Variants in PLA2G4D observed in about 807,000 individuals in gnomAD.
PLA2G4D encodes the protein phospholipase A2 group IVD.
In PLA2G4D, 80 loss-of-function variants were observed where a neutral mutation model predicts 94.4. The observed-to-expected ratio is 0.85, with a 90% CI of 0.71 to 1.02. PLA2G4D has a LOEUF of 1.02. Ranked by LOEUF, PLA2G4D falls within the 50% of genes least tolerant of loss-of-function variation. The pLI is 0.00. For missense variants in PLA2G4D, 1,050 were observed against 1,034.7 expected, an observed-to-expected ratio of 1.01 and a Z score of -0.20; for synonymous variants, 438 against 440.9, an observed-to-expected ratio of 0.99 and a Z score of 0.08.
intron 1 of PLA2G4D, among the ~76,000 whole-genome samples, chr15:42,090,612 A>G (rs1166125975): frequency 6.6e-6 from 1 of 152,134 alleles, no homozygotes; most frequent in Non-Finnish European, 1.5e-5. Flanking sequence ...GAGGAGTGGA[A>G]CACCTGGGCA....
chr15:42,082,403 ATCATTCATTCAT>A lies in PLA2G4D; in HGVS notation c.673-26_673-15del, dbSNP rs58062429. The stretch of plus-strand genomic sequence containing the variant: ...GCTTCTGGAGCTCTGAAGGGAAAGC[ATCATTCATTCAT>A]TCATTCATTCATTCAACAAATCCCT... On this transcript the variant is annotated splice_polypyrimidine_tract_variant and intron_variant, in intron 8 of 19. Transcript: ENST00000290472. 1.5e-5 allele frequency: 23 copies of A among 1,568,662 alleles called. No homozygotes were observed. In the South Asian group the frequency reaches 1.8e-4, roughly 12 times the overall value.
In PLA2G4D at chr15:42,079,545, G is replaced by T; in HGVS notation, c.1309C>A (p.His437Asn). The T allele has an allele frequency of 6.2e-7, 1 of 1,602,784 alleles. No individual in the cohort carries two copies. The highest frequency in any genetic ancestry group is 8.5e-7 in the Non-Finnish European group (1 of 1,177,438). ...LWALVLESMLHGQVMDQKLSG... is the reference protein window; with the variant it reads ...LWALVLESMLNGQVMDQKLSG... ...GTGCGCAGGCGCCCTACCTGGCCGT[G>T]CAGCATGGACTCCAGCACTAGCGCC... Residue 437 changes from histidine (H) to asparagine (N), a missense_variant, in exon 13 of 20, where the codon CAC becomes AAC. Transcript: ENST00000290472.
At chr15:42,093,545 A>G (rs776770988) in intron 1 of PLA2G4D, among the ~76,000 whole-genome samples, 1 of 151,766 alleles carries the variant, frequency 6.6e-6, no homozygotes, top group Non-Finnish European at 1.5e-5. Context: ...CTGATGTCTG[A>G]CTCGTGGGTG....
In PLA2G4D at chr15:42,072,470, G is replaced by T. The variant is rs78905637; in HGVS notation, c.1318-78C>A. On this transcript the variant is annotated intron_variant, in intron 13 of 19. Coordinates refer to ENST00000290472, the MANE Select transcript of PLA2G4D (RefSeq NM_178034.4). ...AGTGGCTCCGCCAGGACAGGGGCAG[G>T]ATGGGGGACCTGGCTGGGGGTGAGG... 5,481 of 1,174,178 alleles carry T rather than the reference G, an allele frequency of 4.7e-3. 164 individuals are homozygous for T. The African/African-American group carries it at 0.066, about 14-fold the overall frequency. The allele number at this position is 1,174,178 out of a possible 1,614,324, so 72.7% of individuals were successfully genotyped here.
intron 15 of PLA2G4D, 76 bp from the exon 16 acceptor site, chr15:42,071,627 G>T: frequency 6.6e-7 from 1 of 1,504,916 alleles, no homozygotes; most frequent in Non-Finnish European, 9.1e-7. Flanking sequence ...GAAAATGGGA[G>T]TGGGGCGAGG....
At chr15:42,087,846 G>A (rs1890181782) in intron 1 of PLA2G4D, 146 bp from the exon 2 acceptor site, 2 of 771,398 alleles carry the variant, frequency 2.6e-6, no homozygotes, top group South Asian at 1.8e-5. Flanking sequence ...GACACCCTCT[G>A]GGGACCAAAG....
At chr15:42,069,317 G>T (rs916498543) in intron 19 of PLA2G4D, among the ~76,000 whole-genome samples, 9 of 152,120 alleles carry the variant, frequency 5.9e-5, no homozygotes, top group Non-Finnish European at 1.3e-4. Flanking sequence ...GCTGAGAGAT[G>T]AAGGTTCTTT....
Position 42,068,326 on chromosome 15 carries a change from T to G in PLA2G4D, c.*389A>C. The G allele has an allele frequency of 4.7e-6, 1 of 212,482 alleles. No individual in the cohort carries two copies. The allele number at this position is 212,482 out of a possible 1,614,324, so 13.2% of individuals were successfully genotyped here. A position where few individuals can be genotyped will look rare whatever the true frequency, so the allele number is the denominator to read the frequency against. On this transcript the variant is annotated 3_prime_UTR_variant, in exon 20 of 20. Coordinates refer to ENST00000290472, the MANE Select transcript of PLA2G4D (RefSeq NM_178034.4). The stretch of plus-strand genomic sequence containing the variant: ...AGATGAGGAGGCAATGTGTTCAGGA[T>G]GTCTTGTGATTCCCGAGGCCTGAAG...
intron 8 of PLA2G4D, among the ~76,000 whole-genome samples, chr15:42,082,947 A>T (rs1595596031): frequency 1.3e-5 from 2 of 152,208 alleles, no homozygotes; most frequent in African/African-American, 4.8e-5. Flanking sequence ...CACAGATGTC[A>T]TGTCTTATTC....
At chr15:42,089,208 C>T (rs753755112) in intron 1 of PLA2G4D, among the ~76,000 whole-genome samples, 3 of 152,074 alleles carry the variant, frequency 2.0e-5, no homozygotes, top group Non-Finnish European at 2.9e-5. Context: ...TGCGCTCTCC[C>T]GTGACCAGAC....
intron 1 of PLA2G4D, among the ~76,000 whole-genome samples, chr15:42,088,767 A>AG (rs528073043): frequency 6.4e-4 from 97 of 152,256 alleles, no homozygotes; most frequent in Admixed American, 2.3e-3. Context: ...GCCCATGTCC[A>AG]GAGGGTCTGT....
chr15:42,070,369 G>C, intron 18 of PLA2G4D: 1 of 522,674 alleles, frequency 1.9e-6, no homozygotes. Flanking sequence ...TTGCTGGACT[G>C]TTCAAATCCC....
chr15:42,086,328 C>G lies in PLA2G4D; in HGVS notation c.272G>C (p.Ser91Thr). The change falls in exon 4 of 20, where the codon AGC (serine) becomes ACC (threonine). Residue 91 changes from serine to threonine, a missense_variant. Ser to Thr is a moderately conservative substitution (Grantham distance 58). Coordinates refer to ENST00000290472, the MANE Select transcript of PLA2G4D (RefSeq NM_178034.4). ...CGTGACTGAGTCCTCATCATAGATG[C>G]TAAGCTCCAGAACATTCTAGGAACC... ...QSQVKNVLELSIYDEDSVTED... is the reference protein window; with the variant it reads ...QSQVKNVLELTIYDEDSVTED... The G allele has an allele frequency of 6.2e-7, 1 of 1,613,768 alleles. No homozygotes were observed. The highest frequency in any genetic ancestry group is 1.3e-5 in the African/African-American group (1 of 75,004).
At position 42,084,162 on chromosome 15, in the gene PLA2G4D, G is replaced by A. The variant is rs755378778; in HGVS notation, c.472-383C>T. On this transcript the variant is annotated intron_variant, in intron 6 of 19. Coordinates refer to ENST00000290472, the MANE Select transcript of PLA2G4D (RefSeq NM_178034.4). The surrounding 1 kb of genome is among the most constrained non-coding windows in gnomAD (Gnocchi z 4.8). Reference sequence around the variant, plus strand: ...TAAGCAAGCCGCCCATCCATAGGAGGGTAGACGGGGCGTCGGACAAACCCT... The same window carrying A: ...TAAGCAAGCCGCCCATCCATAGGAGAGTAGACGGGGCGTCGGACAAACCCT... The A allele has an allele frequency of 9.5e-6, 2 of 210,002 alleles. No individual in the cohort carries two copies. The highest frequency in any genetic ancestry group is 4.6e-5 in the African/African-American group (2 of 43,498). The allele number at this position is 210,002 out of a possible 1,614,324, so 13.0% of individuals were successfully genotyped here.
At chr15:42,091,407 A>G (rs1220681511) in intron 1 of PLA2G4D, among the ~76,000 whole-genome samples, 2 of 152,260 alleles carry the variant, frequency 1.3e-5, no homozygotes, top group African/African-American at 4.8e-5. Flanking sequence ...AGAAGTGACC[A>G]GAAGACAAGA....
chr15:42,082,171 A>T (rs948713694), intron 9 of PLA2G4D, 108 bp downstream of exon 9: 1 of 930,276 alleles, frequency 1.1e-6, no homozygotes, highest in Non-Finnish European at 1.7e-6. Flanking sequence ...ACTTCAGGTG[A>T]TCCGCCTGCC....
At chr15:42,071,585 C>G in intron 15 of PLA2G4D, 34 bp from the exon 16 acceptor site, 1 of 1,579,758 alleles carries the variant, frequency 6.3e-7, no homozygotes, top group Non-Finnish European at 8.7e-7. Context: ...GCCTCAGGCC[C>G]CAGCCAGCGG....
rs930427250 is a variant in PLA2G4D at position 42,081,561 on chromosome 15, G to T, written c.875C>A (p.Ala292Asp). The T allele has an allele frequency of 3.7e-6, 6 of 1,614,048 alleles. No individual in the cohort carries two copies. Among genetic ancestry groups the T allele is most frequent in the Non-Finnish European group, 5.1e-6 (6 of 1,180,026 alleles). Residue 292 changes from alanine to aspartate, a missense_variant, in exon 11 of 20, where the codon GCC becomes GAC. Transcript: ENST00000290472. ...LGFNLCAEEQ[A>D]FLSRRKQVVA... ...CACCTGCTTCCTCCTGCTCAGGAAG[G>T]CCTGCTCCTCTGCACAGAGATTGAA...
rs375309510 is a variant in PLA2G4D, at chr15:42,071,819, G to A, written c.1528C>T (p.Arg510Trp). 16 of 1,614,046 alleles carry A rather than the reference G, an allele frequency of 9.9e-6. No homozygotes were observed. Among genetic ancestry groups the A allele is most frequent in the Middle Eastern group, 1.6e-4 (1 of 6,084 alleles). The change falls in exon 15 of 20, where the codon CGG becomes TGG. Residue 510 changes from arginine to tryptophan, a missense_variant. Transcript: ENST00000290472. ...GGCTCCGGGATCCTCCTCATCAGCC[G>A]TCCCATGAAGAACTCGGAGCCGAAG... ...ELFGSEFFMG[R>W]LMRRIPEPRI... is the part of the protein sequence containing the mutation.
Sources: allele counts gnomAD v4.1 joint callset (sites outside exome capture counted in the v4.1 genomes callset), GRCh38; gene constraint gnomAD v4.1.1; non-coding constraint Gnocchi (gnomAD v3.1); transcripts MANE v1.5; gene names NCBI Gene and HGNC (gene_info 2026-07-23, HGNC 2026-07-21).